CDKN2AIP: variants seen among roughly 807,000 people sequenced by gnomAD.
CDKN2AIP encodes the protein CDKN2A-interacting protein.
Under a neutral mutation model 44.1 loss-of-function variants are expected in CDKN2AIP, and 12 were observed. The observed-to-expected ratio is 0.27, with a 90% CI of 0.17 to 0.44. The LOEUF is 0.44. CDKN2AIP is among the 20% of genes least tolerant of loss of function. The pLI is 1.00. For missense variants in CDKN2AIP, 705 were observed against 681.6 expected, an observed-to-expected ratio of 1.03 and a Z score of -0.38; for synonymous variants, 291 against 272.1, an observed-to-expected ratio of 1.07 and a Z score of -0.68.
chr4:183,447,973 T>C lies in CDKN2AIP; in HGVS notation c.*546T>C, dbSNP rs990384800. ...AGCATTTTTTAGATATAAAGCAGTA[T>C]AAAGTACTTGTTATTTTACTCTGAA... is the stretch of plus-strand genomic sequence containing the variant. On this transcript the variant is annotated 3_prime_UTR_variant, in exon 3 of 3. Transcript: ENST00000504169. 1 of 152,216 alleles carries C rather than the reference T, an allele frequency of 6.6e-6. No homozygotes were observed. Among genetic ancestry groups the C allele is most frequent in the African/African-American group, 2.4e-5 (1 of 41,460 alleles). 9.4% of individuals were successfully genotyped at this position (152,216 alleles called of 1,614,324 possible). A position where few individuals can be genotyped will look rare whatever the true frequency, so the allele number is the denominator to read the frequency against.
In CDKN2AIP at chr4:183,446,263, C is replaced by T; in HGVS notation, c.579C>T (p.Ser193=). 1 of 1,613,934 alleles carries T rather than the reference C, an allele frequency of 6.2e-7. No individual in the cohort carries two copies. The highest frequency in any genetic ancestry group is 8.5e-7 in the Non-Finnish European group (1 of 1,179,790). The part of the protein sequence containing the change: ...IKSESGNSAR[S]SGISSQNSST... ...CAGAGAGTGGGAACTCAGCTCGGAG[C>T]TCTGGCATCTCCAGTCAGAATAGCT... Residue 193 remains serine, a synonymous_variant, in exon 3 of 3, where the codon AGC becomes AGT. Transcript: ENST00000504169.
At position 183,447,283 on chromosome 4, in the gene CDKN2AIP, G is replaced by T. The variant is rs1331895158; in HGVS notation, c.1599G>T (p.Lys533Asn). 1 of 1,611,560 alleles carries T rather than the reference G, an allele frequency of 6.2e-7. No individual in the cohort carries two copies. Among genetic ancestry groups the T allele is most frequent in the Non-Finnish European group, 8.5e-7 (1 of 1,179,484 alleles). The change falls in exon 3 of 3, where the codon AAG becomes AAT. Residue 533 changes from lysine (K) to asparagine (N), a missense_variant. By Grantham distance (94) the Lys-to-Asn change is moderately conservative. This residue lies in a region of CDKN2AIP where 113 missense variants were observed against 163.6 expected (regional missense o/e 0.69). Transcript: ENST00000504169. ...AKAVASREAL[K>N]LFLKKKVVVK... ...CAGTTGCATCAAGAGAAGCATTGAA[G>T]TTATTTCTCAAGAAAAAGGTGGTGG...
intron 2 of CDKN2AIP, 50 bp downstream of exon 2, chr4:183,445,715 TG>T (rs757110805): frequency 1.3e-5 from 19 of 1,470,162 alleles, no homozygotes; most frequent in Non-Finnish European, 1.5e-5. Flanking sequence ...AGCATAAGTT[TG>T]ATATAATTAG....
At chr4:183,445,797 TTAAACC>T in intron 2 of CDKN2AIP, 132 bp downstream of exon 2, 2 of 761,064 alleles carry the variant, frequency 2.6e-6, no homozygotes, top group Non-Finnish European at 4.3e-6. Flanking sequence ...AGTTGGAATG[TTAAACC>T]TAAAGTATAT....
intron 1 of CDKN2AIP, 125 bp downstream of exon 1, chr4:183,445,194 C>T (rs997300711): frequency 8.4e-5 from 104 of 1,234,592 alleles, no homozygotes; most frequent in Admixed American, 2.0e-4. Flanking sequence ...GGGAATCCGC[C>T]GGCCCGGCTG....
In CDKN2AIP at chr4:183,447,413, C is replaced by G; in HGVS notation, c.1729C>G (p.Gln577Glu). 1 of 1,533,546 alleles carries G rather than the reference C, an allele frequency of 6.5e-7. No individual in the cohort carries two copies. The highest frequency in any genetic ancestry group is 8.7e-7 in the Non-Finnish European group (1 of 1,145,836). 95.0% of individuals were successfully genotyped at this position (1,533,546 alleles called of 1,614,324 possible). ...CTTACCTCCAGCACTAAAACATCCT[C>G]AAGAATTACTATAATGTGTCCAAAA... ...VNLPPALKHP[Q>E]ELL Residue 577 changes from glutamine to glutamate, a missense_variant, in exon 3 of 3, where the codon CAA becomes GAA. Physicochemically the swap from Gln to Glu is conservative, Grantham distance 29. Transcript: ENST00000504169.
chr4:183,445,611 A>C lies in CDKN2AIP; in HGVS notation c.349A>C (p.Thr117Pro). 6.2e-7 allele frequency: 1 copy of C among 1,610,604 alleles called. No individual in the cohort carries two copies. The stretch of plus-strand genomic sequence containing the variant: ...AGTGACAGATGCTCCAACCTATACA[A>C]CAAGAGATGAACTGGTTGCCAAGGT... ...IKVTDAPTYT[T>P]RDELVAKVKK... The change falls in exon 2 of 3, where the codon ACA becomes CCA. Residue 117 changes from threonine (T) to proline (P), a missense_variant. Coordinates refer to ENST00000504169, the MANE Select transcript of CDKN2AIP (RefSeq NM_017632.4).
Position 183,446,734 on chromosome 4 carries a change from C to T in CDKN2AIP, c.1050C>T (p.Ser350=), listed in dbSNP as rs758832945. The change falls in exon 3 of 3, where the codon AGC becomes AGT. Residue 350 remains serine (S), a synonymous_variant. Coordinates refer to ENST00000504169, the MANE Select transcript of CDKN2AIP (RefSeq NM_017632.4). Reference sequence around the variant, plus strand: ...CATCCTTACTGACTCCCAAGAGCAGCTCTTCAACAAATACATCGCTGCTAA... The same window carrying T: ...CATCCTTACTGACTCCCAAGAGCAGTTCTTCAACAAATACATCGCTGCTAA... ...SGTSLLTPKS[S]SSTNTSLLTS... is the part of the protein sequence containing the mutation. The T allele has an allele frequency of 6.2e-7, 1 of 1,614,146 alleles. No individual in the cohort carries two copies. Among genetic ancestry groups the T allele is most frequent in the South Asian group, 1.1e-5 (1 of 91,088 alleles).
At position 183,446,360 on chromosome 4, in the gene CDKN2AIP, G is replaced by C; in HGVS notation, c.676G>C (p.Gly226Arg). Residue 226 changes from glycine to arginine, a missense_variant, in exon 3 of 3, where the codon GGA becomes CGA. Physicochemically the swap from Gly to Arg is moderately radical, Grantham distance 125. Around this residue, in one of 2 missense-constraint regions of CDKN2AIP, gnomAD observed 592 missense variants for 518.0 expected, o/e 1.14. Transcript: ENST00000504169. ...SSVSSQVTTAGSGKASEAEAP... is the reference protein window; with the variant it reads ...SSVSSQVTTARSGKASEAEAP... ...CGTTTCCTCTCAGGTAACAACGGCAGGATCTGGGAAAGCTTCTGAAGCAGA... is the reference window on the plus strand; with the variant it reads ...CGTTTCCTCTCAGGTAACAACGGCACGATCTGGGAAAGCTTCTGAAGCAGA... 1 of 1,613,926 alleles carries C rather than the reference G, an allele frequency of 6.2e-7. No individual in the cohort carries two copies. The highest frequency in any genetic ancestry group is 1.7e-5 in the Admixed American group (1 of 59,984).
rs903244741 is a variant in CDKN2AIP at position 183,446,952 on chromosome 4, A to G, written c.1268A>G (p.Lys423Arg). ...STSQSSESSV[K>R]FSCKLTNEDV... ...TCACAGTCAAGTGAGAGTTCTGTCA[A>G]ATTCTCTTGCAAGTTAACCAATGAA... Residue 423 changes from lysine to arginine, a missense_variant, in exon 3 of 3, where the codon AAA becomes AGA. Around this residue, in one of 2 missense-constraint regions of CDKN2AIP, gnomAD observed 592 missense variants for 518.0 expected, o/e 1.14. Coordinates refer to ENST00000504169, the MANE Select transcript of CDKN2AIP (RefSeq NM_017632.4). 2.5e-6 allele frequency: 4 copies of G among 1,614,240 alleles called. No homozygotes were observed. The highest frequency in any genetic ancestry group is 2.5e-6 in the Non-Finnish European group (3 of 1,180,046).
chr4:183,444,994 GGACC>G lies in CDKN2AIP; in HGVS notation c.198_201del (p.Thr67GlufsTer42). ...GATGAAGCTGCCGACGCCGAGAGCG[GGACC>G]CGAAACCGGCAGCTGCAGCAGCTCA... On this transcript the variant is annotated frameshift_variant, in exon 1 of 3. Coordinates refer to ENST00000504169, the MANE Select transcript of CDKN2AIP (RefSeq NM_017632.4). LOFTEE classifies it high-confidence loss of function. 6.2e-7 allele frequency: 1 copy of G among 1,608,492 alleles called. No individual in the cohort carries two copies.
At chr4:183,445,708 A>G in intron 2 of CDKN2AIP, 43 bp downstream of exon 2, 1 of 1,496,718 alleles carries the variant, frequency 6.7e-7, no homozygotes, top group Admixed American at 1.9e-5. Context: ...AGTTTAGAGC[A>G]TAAGTTTGAT....
chr4:183,445,144 G>A, intron 1 of CDKN2AIP, 75 bp downstream of exon 1: 1 of 1,493,560 alleles, frequency 6.7e-7, no homozygotes. Flanking sequence ...GGCGCCCTCC[G>A]CGGGACCGGC....
intron 2 of CDKN2AIP, 159 bp from the exon 3 acceptor site, chr4:183,445,929 C>A: frequency 1.5e-6 from 1 of 672,178 alleles, no homozygotes; most frequent in Non-Finnish European, 2.5e-6. Flanking sequence ...TGATGTTATT[C>A]AACACTGTTT....
Position 183,447,438 on chromosome 4 carries a change from A to G in CDKN2AIP, c.*11A>G. ...CAAGAATTACTATAATGTGTCCAAAATATCACTGCATACAATATCTGGTAT... is the reference window on the plus strand; with the variant it reads ...CAAGAATTACTATAATGTGTCCAAAGTATCACTGCATACAATATCTGGTAT... On this transcript the variant is annotated 3_prime_UTR_variant, in exon 3 of 3. Transcript: ENST00000504169. 3.3e-6 allele frequency: 5 copies of G among 1,495,552 alleles called. No homozygotes were observed. Among genetic ancestry groups the G allele is most frequent in the African/African-American group, 1.4e-5 (1 of 71,334 alleles). 92.6% of individuals were successfully genotyped at this position (1,495,552 alleles called of 1,614,324 possible).
In CDKN2AIP at chr4:183,444,683, T is replaced by A; in HGVS notation, c.-115T>A. The A allele has an allele frequency of 9.3e-7, 1 of 1,079,860 alleles. No homozygotes were observed. The highest frequency in any genetic ancestry group is 1.3e-6 in the Non-Finnish European group (1 of 782,958). The allele number at this position is 1,079,860 out of a possible 1,614,324, so 66.9% of individuals were successfully genotyped here. A position where few individuals can be genotyped will look rare whatever the true frequency, so the allele number is the denominator to read the frequency against. On this transcript the variant is annotated 5_prime_UTR_variant, in exon 1 of 3. Transcript: ENST00000504169. ...GGCGCTGTTGTTTGGTCTTTAGGCCTGCGGAGGGGCGTTATCTGGAGGGCC... is the reference window on the plus strand; with the variant it reads ...GGCGCTGTTGTTTGGTCTTTAGGCCAGCGGAGGGGCGTTATCTGGAGGGCC...
chr4:183,446,880 A>G lies in CDKN2AIP; in HGVS notation c.1196A>G (p.Lys399Arg), dbSNP rs941238397. The change falls in exon 3 of 3, where the codon AAG (lysine) becomes AGG (arginine). Residue 399 changes from lysine (K) to arginine (R), a missense_variant. Physicochemically the swap from Lys to Arg is conservative, Grantham distance 26 (BLOSUM62 2). Transcript: ENST00000504169. ...SLASVSQLAS[K>R]SSSQTSTSQL... ...GCAAGTGTGTCCCAGTTGGCTTCTA[A>G]GAGTAGTTCTCAGACTAGCACCTCA... 1 of 1,614,194 alleles carries G rather than the reference A, an allele frequency of 6.2e-7. No individual in the cohort carries two copies. The highest frequency in any genetic ancestry group is 1.3e-5 in the African/African-American group (1 of 75,068).
In CDKN2AIP at chr4:183,444,835, C is replaced by G. The variant is rs764452780; in HGVS notation, c.38C>G (p.Pro13Arg). The change falls in exon 1 of 3, where the codon CCG becomes CGG. Residue 13 changes from proline (P) to arginine (R), a missense_variant. Coordinates refer to ENST00000504169, the MANE Select transcript of CDKN2AIP (RefSeq NM_017632.4). ...QEVSEYLSQNPRVAAWVEALR... is the reference protein window; with the variant it reads ...QEVSEYLSQNRRVAAWVEALR... ...GTGTCGGAGTACCTGAGCCAGAACC[C>G]GCGGGTGGCAGCCTGGGTGGAGGCG... 3.2e-6 allele frequency: 5 copies of G among 1,561,262 alleles called. No individual in the cohort carries two copies. The highest frequency in any genetic ancestry group is 1.9e-5 in the Admixed American group (1 of 52,412).
chr4:183,445,615 G>A lies in CDKN2AIP; in HGVS notation c.353G>A (p.Arg118Lys). Residue 118 changes from arginine (R) to lysine (K), a missense_variant, in exon 2 of 3, where the codon AGA becomes AAA. Physicochemically the swap from Arg to Lys is conservative, Grantham distance 26. Around this residue, in one of 2 missense-constraint regions of CDKN2AIP, gnomAD observed 592 missense variants for 518.0 expected, o/e 1.14. Coordinates refer to ENST00000504169, the MANE Select transcript of CDKN2AIP (RefSeq NM_017632.4). Reference sequence around the variant, plus strand: ...ACAGATGCTCCAACCTATACAACAAGAGATGAACTGGTTGCCAAGGTGAAG... The same window carrying A: ...ACAGATGCTCCAACCTATACAACAAAAGATGAACTGGTTGCCAAGGTGAAG... ...KVTDAPTYTT[R>K]DELVAKVKKR... 2 of 1,611,068 alleles carry A rather than the reference G, an allele frequency of 1.2e-6. No homozygotes were observed. Among genetic ancestry groups the A allele is most frequent in the South Asian group, 1.1e-5 (1 of 91,046 alleles).
Sources: gnomAD v4.1 joint callset for allele counts on GRCh38, gnomAD v4.1.1 for gene constraint, gnomAD v4.1.1 regional missense constraint, MANE v1.5 for transcripts, NCBI Gene and HGNC (gene_info 2026-07-23, HGNC 2026-07-21) for gene names.